The following PHACTR4 variants were observed in gnomAD, a reference collection of about 807,000 sequenced individuals.
PHACTR4 encodes phosphatase and actin regulator 4.
In PHACTR4, 51 loss-of-function variants were observed where a neutral mutation model predicts 72.7. The ratio of observed to expected loss-of-function variants is 0.70; its 90% CI spans 0.56 to 0.89. The LOEUF (loss-of-function observed/expected upper bound fraction) is 0.89, where lower values mean the gene tolerates loss of function less well. PHACTR4 is among the 40% of genes least tolerant of loss of function. PHACTR4 has a pLI of 0.00. For missense variants in PHACTR4, 731 were observed against 861.8 expected, an observed-to-expected ratio of 0.85 and a Z score of 1.90; for synonymous variants, 255 against 302.5, an observed-to-expected ratio of 0.84 and a Z score of 1.63.
intron 2 of PHACTR4, among the ~76,000 whole-genome samples, chr1:28,418,498 CAAAA>C (rs1482159238): frequency 6.6e-6 from 1 of 151,108 alleles, no homozygotes; most frequent in Non-Finnish European, 1.5e-5. Flanking sequence ...AAAAACAAAA[CAAAA>C]CAAACAAACA....
intron 1 of PHACTR4, among the ~76,000 whole-genome samples, chr1:28,379,419 C>T (rs137954016): frequency 6.6e-5 from 10 of 150,766 alleles, no homozygotes; most frequent in South Asian, 2.1e-4. Context: ...ACTATAGGTG[C>T]GGGCCACCAC....
intron 11 of PHACTR4, among the ~76,000 whole-genome samples, chr1:28,491,344 G>C (rs1430339525): frequency 6.6e-6 from 1 of 151,952 alleles, no homozygotes; most frequent in East Asian, 1.9e-4. Flanking sequence ...TGTAATATCA[G>C]CTACTTGGGA....
intron 1 of PHACTR4, among the ~76,000 whole-genome samples, chr1:28,375,300 C>T (rs574415036): frequency 6.8e-6 from 1 of 148,048 alleles, no homozygotes; most frequent in African/African-American, 2.5e-5. Flanking sequence ...TTCCATCCTC[C>T]CACCACCCCT....
chr1:28,455,198 C>CTTTCTT (rs1250815977), intron 2 of PHACTR4, among the ~76,000 whole-genome samples: 3,750 of 86,096 alleles, frequency 0.044, 303 homozygotes, highest in African/African-American at 0.14. Context: ...TTCTTTCTTT[C>CTTTCTT]TTTTTTTTTT....
At chr1:28,390,071 T>G (rs1399341776) in intron 1 of PHACTR4, among the ~76,000 whole-genome samples, 2 of 152,200 alleles carry the variant, frequency 1.3e-5, no homozygotes, top group African/African-American at 4.8e-5. Context: ...TGGGACAACA[T>G]GGATGAACTT....
At chr1:28,431,404 A>C (rs1656257358) in intron 2 of PHACTR4, among the ~76,000 whole-genome samples, 1 of 148,740 alleles carries the variant, frequency 6.7e-6, no homozygotes, top group Admixed American at 6.7e-5. Flanking sequence ...CATGTTAGCC[A>C]GGATGGTCTT....
chr1:28,491,586 A>G (rs1377554738), intron 11 of PHACTR4, 64 bp from the exon 12 acceptor site: 12 of 1,609,010 alleles, frequency 7.5e-6, no homozygotes, highest in Non-Finnish European at 1.0e-5. Flanking sequence ...GTTAGAGGCA[A>G]TTTGAATGCA....
At chr1:28,448,741 G>A (rs1263816712) in intron 2 of PHACTR4, among the ~76,000 whole-genome samples, 6 of 104,840 alleles carry the variant, frequency 5.7e-5, no homozygotes, top group African/African-American at 1.3e-4. Context: ...CAGCCTGGGC[G>A]ACAGAGCGAG....
At chr1:28,452,534 A>G (rs1373186482) in intron 2 of PHACTR4, among the ~76,000 whole-genome samples, 1 of 149,808 alleles carries the variant, frequency 6.7e-6, no homozygotes. Flanking sequence ...GCTGGGCACA[A>G]TGGCTCATGC....
At chr1:28,419,050 T>TTTTTTTTTTTTTTTTG (rs1210043704) in intron 2 of PHACTR4, among the ~76,000 whole-genome samples, 21 of 147,206 alleles carry the variant, frequency 1.4e-4, no homozygotes, top group African/African-American at 5.2e-4. Flanking sequence ...GATTTTTTTC[T>TTTTTTTTTTTTTTTTG]AGGGAAGTTT....
At chr1:28,406,422 T>C (rs1385149866) in intron 1 of PHACTR4, among the ~76,000 whole-genome samples, 1 of 152,052 alleles carries the variant, frequency 6.6e-6, no homozygotes, top group Admixed American at 6.6e-5. Flanking sequence ...AAAACTACTC[T>C]TGAGGGGGAA....
chr1:28,430,619 A>G (rs74064744), intron 2 of PHACTR4, among the ~76,000 whole-genome samples: 1 of 152,100 alleles, frequency 6.6e-6, no homozygotes. Flanking sequence ...TGATGTGAAT[A>G]TGTATTTGTG....
intron 13 of PHACTR4, among the ~76,000 whole-genome samples, chr1:28,493,542 A>C (rs1342238088): frequency 1.3e-5 from 2 of 151,676 alleles, no homozygotes; most frequent in Non-Finnish European, 2.9e-5. Flanking sequence ...CCATCTCAAA[A>C]AAAAAAAAAA....
rs1308752442 is a variant in PHACTR4 at position 28,491,706 on chromosome 1, T to C, written c.1935T>C (p.Asn645=). ...TTGCCAGGAAGATTCTGAGGTTTAA[T>C]GAATATGTAGAGGTAACAGATGCTC... ...ELLARKILRF[N]EYVEVTDAQD... Residue 645 remains asparagine, a synonymous_variant, in exon 12 of 14, where the codon AAT becomes AAC. Transcript: ENST00000373839. The C allele has an allele frequency of 1.2e-6, 2 of 1,614,006 alleles. No individual in the cohort carries two copies. The highest frequency in any genetic ancestry group is 1.7e-6 in the Non-Finnish European group (2 of 1,180,022).
chr1:28,447,319 A>C (rs1657554240), intron 2 of PHACTR4, among the ~76,000 whole-genome samples: 1 of 151,856 alleles, frequency 6.6e-6, no homozygotes, highest in Non-Finnish European at 1.5e-5. Context: ...GCCTCAGGTA[A>C]TTCTTTATAG....
intron 1 of PHACTR4, among the ~76,000 whole-genome samples, chr1:28,398,693 C>G (rs1240239564): frequency 6.6e-6 from 1 of 151,372 alleles, no homozygotes; most frequent in Non-Finnish European, 1.5e-5. Flanking sequence ...GGGGCACATG[C>G]CTATAATCCC....
At chr1:28,396,232 G>A (rs900921797) in intron 1 of PHACTR4, among the ~76,000 whole-genome samples, 1 of 151,828 alleles carries the variant, frequency 6.6e-6, no homozygotes, top group Non-Finnish European at 1.5e-5. Flanking sequence ...ATTGGTGACA[G>A]ATAATAAAGA....
intron 2 of PHACTR4, among the ~76,000 whole-genome samples, chr1:28,407,762 C>CA (rs1468544990): frequency 6.6e-6 from 1 of 152,002 alleles, no homozygotes; most frequent in Non-Finnish European, 1.5e-5. Context: ...ATATATTACA[C>CA]AAATAACATT....
In PHACTR4 at chr1:28,424,639, C is replaced by T. The variant is rs1453921544; in HGVS notation, c.16+17176C>T. Among the ~76,000 whole-genome samples, 4 of 152,124 alleles carry T rather than the reference C, an allele frequency of 2.6e-5. No homozygotes were observed. In the South Asian group the frequency reaches 6.2e-4, roughly 24 times the overall value. ...AAGTAGCAGGGACTACAGGCACGTG[C>T]CACCACACTTGGCTTATTTTTTCTA... On this transcript the variant is annotated intron_variant, in intron 2 of 13. Coordinates refer to ENST00000373839, the MANE Select transcript of PHACTR4 (RefSeq NM_001048183.3).
Sources: gnomAD v4.1 joint callset for allele counts (sites outside exome capture counted in the v4.1 genomes callset) on GRCh38, gnomAD v4.1.1 for gene constraint, MANE v1.5 for transcripts, NCBI Gene and HGNC (gene_info 2026-07-23, HGNC 2026-07-21) for gene names.